Variants in CROCC observed in about 807,000 individuals in gnomAD.
CROCC encodes rootletin.
A neutral mutation model predicts 245.2 loss-of-function variants in CROCC; 180 were observed. That is an observed-to-expected ratio of 0.73 (90% confidence interval 0.65 to 0.83). CROCC has a LOEUF of 0.83. Ranked by LOEUF, CROCC falls within the 40% of genes least tolerant of loss-of-function variation. CROCC has a pLI of 0.00. For missense variants in CROCC, 2,688 were observed against 2,779.4 expected, an observed-to-expected ratio of 0.97 and a Z score of 0.74; for synonymous variants, 1,205 against 1,241.6, an observed-to-expected ratio of 0.97 and a Z score of 0.62.
chr1:16,920,067 T>A (rs1433761284), upstream of CROCC, among the ~76,000 whole-genome samples: 8 of 145,724 alleles, frequency 5.5e-5, no homozygotes, highest in Non-Finnish European at 1.2e-4. Context: ...TAATTTTTTT[T>A]ATATTTATTT....
At chr1:16,957,353 G>T (rs923605804) in intron 25 of CROCC, among the ~76,000 whole-genome samples, 2 of 152,184 alleles carry the variant, frequency 1.3e-5, no homozygotes, top group Non-Finnish European at 2.9e-5. Flanking sequence ...GCTGCAGTGA[G>T]CTGTGATCGC....
At chr1:16,922,833 A>G (rs376951499) in intron 2 of CROCC, 35 bp downstream of exon 2, 47 of 1,598,614 alleles carry the variant, frequency 2.9e-5, no homozygotes, top group Non-Finnish European at 3.9e-5. Flanking sequence ...CACAAACACC[A>G]CCCACATTTT....
At chr1:16,915,915 A>G (rs1436421301) in intron 1 of CROCC, among the ~76,000 whole-genome samples, 1 of 152,266 alleles carries the variant, frequency 6.6e-6, no homozygotes, top group Non-Finnish European at 1.5e-5. Context: ...GTGGTGGCTC[A>G]TGCCTGTAAT....
chr1:16,953,189 C>T, intron 20 of CROCC, 113 bp from the exon 21 acceptor site: 1 of 900,258 alleles, frequency 1.1e-6, no homozygotes, highest in Non-Finnish European at 1.7e-6. Flanking sequence ...TACCTGGTCA[C>T]CCTCCATCTC....
chr1:16,954,849 G>C lies in CROCC; in HGVS notation c.3437G>C (p.Gly1146Ala). 1 of 1,542,966 alleles carries C rather than the reference G, an allele frequency of 6.5e-7. No homozygotes were observed. The highest frequency in any genetic ancestry group is 8.8e-7 in the Non-Finnish European group (1 of 1,140,262). ...CTGCAAGAGCAGGCCCGAGACCTGG[G>C]CAAGCAGCGGGACTCCTGTCTTCGC... is the stretch of plus-strand genomic sequence containing the variant. Reference protein sequence around the residue: ...RRLQEQARDLGKQRDSCLREA... With the variant: ...RRLQEQARDLAKQRDSCLREA... The change falls in exon 23 of 37, where the codon GGC becomes GCC. Residue 1146 changes from glycine to alanine, a missense_variant. Gly to Ala is a moderately conservative substitution (Grantham distance 60). Around this residue, in one of 9 missense-constraint regions of CROCC, gnomAD observed 1,218 missense variants for 1,286.3 expected, o/e 0.95. Transcript: ENST00000375541. The surrounding 1 kb of genome is among the most constrained non-coding windows in gnomAD (Gnocchi z 4.4).
rs370572797 is a variant in CROCC, at chr1:16,948,517, C to T, written c.2701C>T (p.Arg901Cys). 39 of 1,539,812 alleles carry T rather than the reference C, an allele frequency of 2.5e-5. No individual in the cohort carries two copies. Among genetic ancestry groups the T allele is most frequent in the African/African-American group, 4.1e-5 (3 of 73,096 alleles). ...CAGGACCCTGTCAGAGGAGGCCACA[C>T]GCCTGCGGTAAGGCCTTGGGCTCTG... Reference protein sequence around the residue: ...EGRTLSEEATRLRLEKEALEG... With the variant: ...EGRTLSEEATCLRLEKEALEG... The change falls in exon 18 of 37, where the codon CGC (arginine) becomes TGC (cysteine). Residue 901 changes from arginine to cysteine, a missense_variant. By Grantham distance (180) the Arg-to-Cys change is radical (BLOSUM62 -3). Around this residue, in one of 9 missense-constraint regions of CROCC, gnomAD observed 26 missense variants for 40.3 expected, o/e 0.64. Transcript: ENST00000375541.
chr1:16,955,920 T>G, intron 24 of CROCC, 77 bp from the exon 25 acceptor site: 1 of 1,517,498 alleles, frequency 6.6e-7, no homozygotes, highest in Non-Finnish European at 8.9e-7. Context: ...CTCCAGAAAT[T>G]GGAGGAGACG....
At position 16,954,806 on chromosome 1, in the gene CROCC, G is replaced by A. The variant is rs146830223; in HGVS notation, c.3394G>A (p.Ala1132Thr). 360 of 1,552,328 alleles carry A rather than the reference G, an allele frequency of 2.3e-4. No individual in the cohort carries two copies. In the African/African-American group the frequency reaches 3.7e-3, roughly 16 times the overall value. ...AQREEAAAAHAQEVRRLQEQA... is the reference protein window; with the variant it reads ...AQREEAAAAHTQEVRRLQEQA... ...GCGGGAGGAGGCTGCTGCGGCCCAC[G>A]CCCAGGAGGTGAGGAGGCTGCAAGA... is the stretch of plus-strand genomic sequence containing the variant. The change falls in exon 23 of 37, where the codon GCC becomes ACC. Residue 1132 changes from alanine (A) to threonine (T), a missense_variant. Physicochemically the swap from Ala to Thr is moderately conservative, Grantham distance 58. Around this residue, in one of 9 missense-constraint regions of CROCC, gnomAD observed 1,218 missense variants for 1,286.3 expected, o/e 0.95. Coordinates refer to ENST00000375541, the MANE Select transcript of CROCC (RefSeq NM_014675.5). The surrounding 1 kb of genome is among the most constrained non-coding windows in gnomAD (Gnocchi z 4.4).
chr1:16,936,615 C>T (rs2075793294), intron 8 of CROCC, 22 bp from the exon 9 acceptor site: 1 of 1,558,612 alleles, frequency 6.4e-7, no homozygotes, highest in African/African-American at 1.3e-5. Context: ...CATCCATCCC[C>T]AGCCTGTGCT....
intron 12 of CROCC, 67 bp downstream of exon 12, chr1:16,939,209 T>TAGGGGC (rs1553154583): frequency 4.3e-6 from 3 of 695,988 alleles, no homozygotes; most frequent in Non-Finnish European, 4.2e-6. Context: ...GCCCTCCGGG[T>TAGGGGC]GGGGGCGGGG....
chr1:16,959,942 G>A (rs2076303103), intron 26 of CROCC, among the ~76,000 whole-genome samples: 1 of 151,088 alleles, frequency 6.6e-6, no homozygotes, highest in Admixed American at 6.6e-5. Flanking sequence ...CTGCTGTCAA[G>A]CTATTAAAAA....
chr1:16,972,321 TG>T, intron 36 of CROCC, 38 bp from the exon 37 acceptor site: 1 of 1,538,568 alleles, frequency 6.5e-7, no homozygotes, highest in Non-Finnish European at 9.0e-7. Context: ...GAAGCCAGGC[TG>T]AGGACCTGGC....
At chr1:16,938,173 G>A (rs202116703) in intron 10 of CROCC, among the ~76,000 whole-genome samples, 10 of 152,206 alleles carry the variant, frequency 6.6e-5, no homozygotes, top group African/African-American at 9.6e-5. Context: ...TTCTAGGTCC[G>A]GCTCTCCTGC....
At chr1:16,971,022 G>A (rs959384119) in intron 35 of CROCC, 1 of 461,114 alleles carries the variant, frequency 2.2e-6, no homozygotes, top group African/African-American at 2.0e-5. Flanking sequence ...GAGAATCCAT[G>A]TGACGATTCT....
intron 14 of CROCC, among the ~76,000 whole-genome samples, 164 bp from the exon 15 acceptor site, chr1:16,945,298 G>A (rs1463214915): frequency 1.3e-5 from 2 of 152,292 alleles, no homozygotes; most frequent in African/African-American, 4.8e-5. Context: ...CGGAGGCCCA[G>A]GGTCATGGAG....
chr1:16,936,417 G>A (rs189378556), intron 8 of CROCC, among the ~76,000 whole-genome samples: 66 of 152,368 alleles, frequency 4.3e-4, no homozygotes, highest in Non-Finnish European at 6.3e-4. Flanking sequence ...ACAGAAGTGC[G>A]CCACCATGCC....
intron 27 of CROCC, among the ~76,000 whole-genome samples, chr1:16,962,143 A>G (rs569035611): frequency 6.7e-6 from 1 of 149,284 alleles, no homozygotes; most frequent in Non-Finnish European, 1.5e-5. Context: ...GCTCACTGCA[A>G]CCTCTGCCTC....
Position 16,948,289 on chromosome 1 carries a change from G to A in CROCC, c.2515-42G>A, listed in dbSNP as rs1420155008. 5 of 1,502,552 alleles carry A rather than the reference G, an allele frequency of 3.3e-6. No individual in the cohort carries two copies. In the South Asian group the frequency reaches 5.3e-5, roughly 16 times the overall value. 93.1% of individuals were successfully genotyped at this position (1,502,552 alleles called of 1,614,324 possible). On this transcript the variant is annotated intron_variant, in intron 17 of 36. Coordinates refer to ENST00000375541, the MANE Select transcript of CROCC (RefSeq NM_014675.5). ...GGGGTGCTGCACGATGAACAAGCTGGGGGACGCTGGGAGTGCTACTCAGTC... is the reference window on the plus strand; with the variant it reads ...GGGGTGCTGCACGATGAACAAGCTGAGGGACGCTGGGAGTGCTACTCAGTC...
Position 16,939,128 on chromosome 1 carries a change from C to G in CROCC, c.1594C>G (p.Gln532Glu). ...GATCCACTCCGCCCTGCACAAGCGC[C>G]AGCTGCAGGTCCAGGTAGGAAGGGG... ...ALIHSALHKR[Q>E]LQVQDMRGRY... is the part of the protein sequence containing the mutation. Residue 532 changes from glutamine to glutamate, a missense_variant, in exon 12 of 37, where the codon CAG (glutamine) becomes GAG (glutamate). This residue lies in a region of CROCC where 972 missense variants were observed against 895.3 expected (regional missense o/e 1.09). Coordinates refer to ENST00000375541, the MANE Select transcript of CROCC (RefSeq NM_014675.5). 2 of 1,525,992 alleles carry G rather than the reference C, an allele frequency of 1.3e-6. No homozygotes were observed. Among genetic ancestry groups the G allele is most frequent in the Non-Finnish European group, 1.7e-6 (2 of 1,148,150 alleles). The allele number at this position is 1,525,992 out of a possible 1,614,324, so 94.5% of individuals were successfully genotyped here.
Sources: gnomAD v4.1 joint callset for allele counts (sites outside exome capture counted in the v4.1 genomes callset) on GRCh38, gnomAD v4.1.1 for gene constraint, gnomAD v4.1.1 regional missense constraint, Gnocchi (gnomAD v3.1) non-coding constraint, MANE v1.5 for transcripts, NCBI Gene and HGNC (gene_info 2026-07-23, HGNC 2026-07-21) for gene names.